MAN2A1: variants seen among roughly 807,000 people sequenced by gnomAD.
MAN2A1 encodes the protein mannosidase alpha class 2A member 1.
In MAN2A1, 76 loss-of-function variants were observed where a neutral mutation model predicts 142.6. That is an observed-to-expected ratio of 0.53 (90% CI 0.44 to 0.65). The LOEUF (loss-of-function observed/expected upper bound fraction) is 0.65, where lower values mean the gene tolerates loss of function less well. Ranked by LOEUF, MAN2A1 falls within the 30% of genes least tolerant of loss-of-function variation. MAN2A1 has a pLI of 0.00. For missense variants in MAN2A1, 1,311 were observed against 1,365.1 expected, an observed-to-expected ratio of 0.96 and a Z score of 0.62; for synonymous variants, 559 against 473.2, an observed-to-expected ratio of 1.18 and a Z score of -2.35.
intron 1 of MAN2A1, 75 bp from the exon 2 acceptor site, chr5:109,713,444 TA>T (rs138299919): frequency 0.04 from 40,188 of 1,014,142 alleles, no homozygotes; most frequent in South Asian, 0.06. Context: ...CCACATAATT[TA>T]AAAAAAAAAA....
At chr5:109,690,699 T>C (rs1750642395) in intron 1 of MAN2A1, 147 bp downstream of exon 1, 4 of 906,936 alleles carry the variant, frequency 4.4e-6, no homozygotes, top group African/African-American at 1.7e-5. Flanking sequence ...CGGACGGCAA[T>C]GATCACCTCC....
At chr5:109,824,868 A>G (rs966067219) in intron 16 of MAN2A1, among the ~76,000 whole-genome samples, 3 of 152,084 alleles carry the variant, frequency 2.0e-5, no homozygotes, top group African/African-American at 7.2e-5. Flanking sequence ...AAATTTCATT[A>G]GTATTTGCTT....
intron 12 of MAN2A1, among the ~76,000 whole-genome samples, chr5:109,810,991 A>T (rs77494664): frequency 2.7e-5 from 4 of 145,738 alleles, no homozygotes; most frequent in South Asian, 4.3e-4. Flanking sequence ...AAGTTTTACT[A>T]TTTTTTTTTT....
intron 1 of MAN2A1, among the ~76,000 whole-genome samples, chr5:109,700,672 T>C (rs563337133): frequency 5.1e-4 from 78 of 152,324 alleles, no homozygotes; most frequent in Admixed American, 1.7e-3. Context: ...CACAGAATTG[T>C]AGAGTAGGCT....
chr5:109,696,694 T>C (rs1028328846), intron 1 of MAN2A1, among the ~76,000 whole-genome samples: 1 of 152,216 alleles, frequency 6.6e-6, no homozygotes, highest in Non-Finnish European at 1.5e-5. Context: ...CAGACACTGC[T>C]CTCAATATCC....
intron 16 of MAN2A1, among the ~76,000 whole-genome samples, chr5:109,839,099 A>ATACTTTTT (rs1755130903): frequency 6.6e-6 from 1 of 152,194 alleles, no homozygotes; most frequent in African/African-American, 2.4e-5. Flanking sequence ...AACCCAATGA[A>ATACTTTTT]TTCTTTTAGT....
chr5:109,810,329 T>A (rs1754283077), intron 12 of MAN2A1, among the ~76,000 whole-genome samples: 2 of 152,184 alleles, frequency 1.3e-5, no homozygotes, highest in Non-Finnish European at 2.9e-5. Flanking sequence ...TCTAGATAGA[T>A]GTTCCAATCA....
intron 16 of MAN2A1, among the ~76,000 whole-genome samples, chr5:109,834,087 T>C (rs1458276784): frequency 6.6e-6 from 1 of 152,130 alleles, no homozygotes; most frequent in Non-Finnish European, 1.5e-5. Flanking sequence ...GGCAGGTCAT[T>C]ATGAGGAATC....
intron 4 of MAN2A1, among the ~76,000 whole-genome samples, chr5:109,731,491 C>G (rs1351733819): frequency 6.9e-6 from 1 of 145,112 alleles, no homozygotes; most frequent in African/African-American, 2.5e-5. Context: ...AGGTATATCA[C>G]CTAATGCTAT....
chr5:109,799,278 T>C (rs976471898), intron 12 of MAN2A1, among the ~76,000 whole-genome samples: 3 of 152,182 alleles, frequency 2.0e-5, no homozygotes, highest in African/African-American at 7.2e-5. Flanking sequence ...CTCTTTAACG[T>C]GGCTTGTGTG....
At chr5:109,763,073 G>A (rs1752895628) in intron 5 of MAN2A1, among the ~76,000 whole-genome samples, 1 of 152,192 alleles carries the variant, frequency 6.6e-6, no homozygotes, top group Non-Finnish European at 1.5e-5. Flanking sequence ...AAGTAGACCA[G>A]GCCCCTTCTG....
chr5:109,776,448 A>G (rs1753294680), intron 8 of MAN2A1, among the ~76,000 whole-genome samples: 1 of 151,302 alleles, frequency 6.6e-6, no homozygotes. Flanking sequence ...AGAGGAAGGG[A>G]TATATATATG....
intron 3 of MAN2A1, among the ~76,000 whole-genome samples, chr5:109,723,164 A>C (rs1188278333): frequency 6.6e-6 from 1 of 152,164 alleles, no homozygotes. Context: ...CAATAATGCA[A>C]ATAGGTTCCT....
intron 13 of MAN2A1, among the ~76,000 whole-genome samples, chr5:109,819,019 C>T (rs1754547272): frequency 6.6e-6 from 1 of 152,130 alleles, no homozygotes; most frequent in Non-Finnish European, 1.5e-5. Flanking sequence ...AATGGCTCAA[C>T]CTAGATTTTT....
intron 8 of MAN2A1, among the ~76,000 whole-genome samples, chr5:109,779,377 T>C (rs1753384332): frequency 6.6e-6 from 1 of 152,210 alleles, no homozygotes; most frequent in Non-Finnish European, 1.5e-5. Flanking sequence ...GTTTTTATTG[T>C]CTAAATAAAA....
intron 8 of MAN2A1, among the ~76,000 whole-genome samples, chr5:109,776,632 A>G (rs534200356): frequency 6.6e-6 from 1 of 152,278 alleles, no homozygotes; most frequent in East Asian, 1.9e-4. Context: ...TGCCACATAC[A>G]TAGAAGAAGT....
intron 19 of MAN2A1, among the ~76,000 whole-genome samples, chr5:109,851,956 A>G (rs752351076): frequency 6.6e-6 from 1 of 152,136 alleles, no homozygotes; most frequent in Non-Finnish European, 1.5e-5. Flanking sequence ...GATCTACAGT[A>G]AACTTGAGGA....
chr5:109,789,038 T>C lies in MAN2A1; in HGVS notation c.1865T>C (p.Phe622Ser). The C allele has an allele frequency of 6.5e-7, 1 of 1,527,746 alleles. No homozygotes were observed. Among genetic ancestry groups the C allele is most frequent in the Admixed American group, 1.7e-5 (1 of 57,726 alleles). 94.6% of individuals were successfully genotyped at this position (1,527,746 alleles called of 1,614,324 possible). The change falls in exon 11 of 22, where the codon TTC becomes TCC. Residue 622 changes from phenylalanine (F) to serine (S), a missense_variant. Physicochemically the swap from Phe to Ser is radical, Grantham distance 155. Around this residue, in one of 3 missense-constraint regions of MAN2A1, gnomAD observed 890 missense variants for 920.5 expected, o/e 0.97. Transcript: ENST00000261483. ...LTYDSYSPDT[F>S]LEMDLKQKSQ... is the part of the protein sequence containing the mutation. The stretch of plus-strand genomic sequence containing the variant: ...TACGACTCTTACTCTCCTGATACCT[T>C]CCTGGAGATGGTTAGTAATTTCATC...
At chr5:109,723,564 C>T (rs1232063241) in intron 3 of MAN2A1, among the ~76,000 whole-genome samples, 2 of 152,162 alleles carry the variant, frequency 1.3e-5, no homozygotes, top group Non-Finnish European at 2.9e-5. Flanking sequence ...TTTTCTGTTT[C>T]TCTGCTTCTA....
Sources: allele counts gnomAD v4.1 joint callset (sites outside exome capture counted in the v4.1 genomes callset), GRCh38; gene constraint gnomAD v4.1.1; regional missense constraint gnomAD v4.1.1; transcripts MANE v1.5; gene names NCBI Gene and HGNC (gene_info 2026-07-23, HGNC 2026-07-21).